Variants in SLC39A11 observed in about 807,000 individuals in gnomAD.
SLC39A11 encodes zinc transporter ZIP11.
SLC39A11 carries 33 observed loss-of-function variants against 36.1 expected under a neutral mutation model. That is an observed-to-expected ratio of 0.91 (90% confidence interval 0.69 to 1.22). SLC39A11 has a LOEUF of 1.22. Among genes scored for constraint, SLC39A11 ranks in the 50% most tolerant of loss-of-function variants. SLC39A11 has a pLI of 0.00. For synonymous variants in SLC39A11, 166 were observed against 170.3 expected, an observed-to-expected ratio of 0.97 and a Z score of 0.20; for missense variants, 432 against 430.3, an observed-to-expected ratio of 1.00 and a Z score of -0.03.
At chr17:72,914,839 G>T (rs2083240634) in intron 5 of SLC39A11, among the ~76,000 whole-genome samples, 1 of 134,872 alleles carries the variant, frequency 7.4e-6, no homozygotes, top group Admixed American at 7.3e-5. Flanking sequence ...CTGCACTCCA[G>T]CCTGGGCGAC....
intron 3 of SLC39A11, among the ~76,000 whole-genome samples, chr17:73,061,217 G>A (rs1025553193): frequency 1.3e-5 from 2 of 152,072 alleles, no homozygotes; most frequent in Non-Finnish European, 2.9e-5. Context: ...AAAATTAGCC[G>A]GGAGTGGTAG....
intron 4 of SLC39A11, among the ~76,000 whole-genome samples, chr17:72,981,210 T>G (rs570842648): frequency 6.6e-6 from 1 of 152,342 alleles, no homozygotes; most frequent in Non-Finnish European, 1.5e-5. Flanking sequence ...AGATATTTTA[T>G]ACATATATAT....
chr17:72,923,870 C>T (rs772188033), intron 5 of SLC39A11, among the ~76,000 whole-genome samples: 1 of 152,074 alleles, frequency 6.6e-6, no homozygotes, highest in East Asian at 1.9e-4. Flanking sequence ...ATGGGCCAGA[C>T]GCAGTGGCTC....
intron 7 of SLC39A11, among the ~76,000 whole-genome samples, chr17:72,684,468 G>A (rs557763951): frequency 6.7e-4 from 102 of 152,282 alleles, no homozygotes; most frequent in Non-Finnish European, 1.3e-3. Context: ...CCCAGGTTTG[G>A]GCAGGCGTGC....
chr17:73,068,754 C>T (rs2060073263), intron 3 of SLC39A11, among the ~76,000 whole-genome samples: 1 of 152,052 alleles, frequency 6.6e-6, no homozygotes, highest in African/African-American at 2.4e-5. Flanking sequence ...TGCCTCTGTC[C>T]AAAGTCAAAA....
At chr17:72,777,482 G>C (rs957772940) in intron 6 of SLC39A11, among the ~76,000 whole-genome samples, 1 of 152,100 alleles carries the variant, frequency 6.6e-6, no homozygotes, top group Non-Finnish European at 1.5e-5. Context: ...ATCCAATGAC[G>C]AGTGTCCCTA....
intron 6 of SLC39A11, among the ~76,000 whole-genome samples, chr17:72,768,439 G>A (rs2075825314): frequency 6.6e-6 from 1 of 152,174 alleles, no homozygotes; most frequent in Admixed American, 6.5e-5. Context: ...TGTCATTTTT[G>A]CAAAGGCAGT....
At chr17:72,752,221 G>A (rs930238423) in intron 6 of SLC39A11, among the ~76,000 whole-genome samples, 5 of 152,074 alleles carry the variant, frequency 3.3e-5, no homozygotes, top group African/African-American at 9.7e-5. Flanking sequence ...TGCATCCCAA[G>A]TTACCTCTCC....
intron 4 of SLC39A11, among the ~76,000 whole-genome samples, chr17:72,961,552 G>A (rs923831040): frequency 4.6e-5 from 7 of 152,162 alleles, no homozygotes; most frequent in Admixed American, 2.6e-4. Flanking sequence ...GGAATACTAT[G>A]CAGCCATAAA....
At position 72,678,935 on chromosome 17, in the gene SLC39A11, C is replaced by T. The variant is rs148964641; in HGVS notation, c.672-29667G>A. On this transcript the variant is annotated intron_variant, in intron 7 of 9. Coordinates refer to ENST00000255559, the MANE Select transcript of SLC39A11 (RefSeq NM_139177.4). ...TACATTTACACAATGGAATACTATT[C>T]AGCCATAAAAAGAATGAGATCGTGT... Among the ~76,000 whole-genome samples, 72 of 152,250 alleles carry T rather than the reference C, an allele frequency of 4.7e-4. No individual in the cohort carries two copies. The East Asian group carries it at 0.012, about 26-fold the overall frequency.
intron 7 of SLC39A11, among the ~76,000 whole-genome samples, chr17:72,688,633 T>A (rs1446039963): frequency 1.3e-5 from 2 of 152,220 alleles, no homozygotes; most frequent in Admixed American, 1.3e-4. Context: ...AGTTCACATA[T>A]ACTTTTCACA....
chr17:72,786,755 T>A (rs888493199), intron 6 of SLC39A11, among the ~76,000 whole-genome samples: 1 of 152,172 alleles, frequency 6.6e-6, no homozygotes, highest in African/African-American at 2.4e-5. Flanking sequence ...GGCAGTGATA[T>A]GTGAGAGATG....
intron 5 of SLC39A11, among the ~76,000 whole-genome samples, chr17:72,875,443 C>A (rs374660318): frequency 1.3e-5 from 2 of 152,120 alleles, no homozygotes; most frequent in South Asian, 2.1e-4. Context: ...AGGAAGCCAG[C>A]GGGATTCTGG....
chr17:72,716,432 C>A (rs181123843), intron 7 of SLC39A11, among the ~76,000 whole-genome samples: 2 of 151,746 alleles, frequency 1.3e-5, no homozygotes. Context: ...CCCTTTCTTA[C>A]GACAGTTTAA....
At chr17:72,811,068 C>CAA (rs10707741) in intron 6 of SLC39A11, among the ~76,000 whole-genome samples, 38 of 141,864 alleles carry the variant, frequency 2.7e-4, no homozygotes, top group African/African-American at 6.6e-4. Context: ...TGAATAAAAG[C>CAA]AAAAAAAAAA....
At chr17:72,771,091 A>T (rs912479276) in intron 6 of SLC39A11, among the ~76,000 whole-genome samples, 4 of 151,524 alleles carry the variant, frequency 2.6e-5, no homozygotes, top group African/African-American at 4.8e-5. Context: ...TTGCTTATTT[A>T]AAAAAAATCC....
chr17:72,722,530 T>G (rs374437123), intron 7 of SLC39A11, among the ~76,000 whole-genome samples: 6 of 152,148 alleles, frequency 3.9e-5, no homozygotes, highest in Non-Finnish European at 8.8e-5. Context: ...AGGGAAAAAG[T>G]AAGGTCTTTG....
intron 5 of SLC39A11, among the ~76,000 whole-genome samples, chr17:72,871,287 CCTGAG>C (rs1167367712): frequency 6.6e-6 from 1 of 151,996 alleles, no homozygotes; most frequent in African/African-American, 2.4e-5. Flanking sequence ...GTCTTGAACT[CCTGAG>C]CTCAGGCAAT....
chr17:72,778,480 G>C lies in SLC39A11; in HGVS notation c.602-41761C>G, dbSNP rs564179127. On this transcript the variant is annotated intron_variant, in intron 6 of 9. Coordinates refer to ENST00000255559, the MANE Select transcript of SLC39A11 (RefSeq NM_139177.4). The stretch of plus-strand genomic sequence containing the variant: ...ACTGATATTTTCCTTCATTTTCAAA[G>C]AAGTTGTTTTCAAAGGCAATACTCA... Among the ~76,000 whole-genome samples, 5 of 152,364 alleles carry C rather than the reference G, an allele frequency of 3.3e-5. No homozygotes were observed. In the South Asian group the frequency reaches 1.0e-3, roughly 32 times the overall value.
Sources: allele counts gnomAD v4.1 joint callset (sites outside exome capture counted in the v4.1 genomes callset), GRCh38; gene constraint gnomAD v4.1.1; transcripts MANE v1.5; gene names NCBI Gene and HGNC (gene_info 2026-07-23, HGNC 2026-07-21).